The following NXPE2 variants were observed in gnomAD, a reference collection of about 807,000 sequenced individuals.
NXPE2 encodes neurexophilin and PC-esterase domain family member 2, also known as NXPE family member 2.
A neutral mutation model predicts 34.4 loss-of-function variants in NXPE2; 34 were observed. The ratio of observed to expected loss-of-function variants is 0.99; its 90% CI spans 0.75 to 1.31. NXPE2 has a LOEUF of 1.31. Ranked by LOEUF, NXPE2 falls within the 40% of genes most tolerant of loss-of-function variation. The pLI, the probability that NXPE2 is intolerant of heterozygous loss-of-function variation, is 0.00. For synonymous variants in NXPE2, 235 were observed against 231.3 expected, an observed-to-expected ratio of 1.02 and a Z score of -0.15; for missense variants, 649 against 672.5, an observed-to-expected ratio of 0.97 and a Z score of 0.39.
the NXPE2 span, chr11:114,571,230 A>G: frequency 3.7e-6 from 6 of 1,613,956 alleles, no homozygotes; most frequent in Non-Finnish European, 5.1e-6. Flanking sequence ...GGCCCTTCGG[A>G]TAAAAACATC....
At chr11:114,790,653 GCTC>G in the NXPE2 span, among the ~76,000 whole-genome samples, 24 of 152,146 alleles carry the variant, frequency 1.6e-4, no homozygotes, top group African/African-American at 5.5e-4. Context: ...AGTCCTCCCT[GCTC>G]CTCAACCATG....
the NXPE2 span, among the ~76,000 whole-genome samples, chr11:114,467,110 A>G: frequency 6.6e-6 from 1 of 152,234 alleles, no homozygotes; most frequent in African/African-American, 2.4e-5. Flanking sequence ...TGATTTCAAT[A>G]TACTGTGCAT....
At chr11:114,775,912 CAG>C in the NXPE2 span, among the ~76,000 whole-genome samples, 1 of 152,022 alleles carries the variant, frequency 6.6e-6, no homozygotes, top group Admixed American at 6.5e-5. Flanking sequence ...CAGCCACTCT[CAG>C]GGGAATGAAT....
upstream of NXPE2, chr11:114,678,450 A>G: frequency 1.4e-6 from 1 of 724,718 alleles, no homozygotes; most frequent in Non-Finnish European, 2.3e-6. Context: ...CGCTGTGGCC[A>G]CAAATAGGAT....
chr11:114,734,363 A>T, the NXPE2 span, among the ~76,000 whole-genome samples: 148,374 of 152,318 alleles, frequency 0.97, 72,382 homozygotes, highest in Middle Eastern at 1. Flanking sequence ...TTACAAATAC[A>T]TTTTTTGTGT....
the NXPE2 span, among the ~76,000 whole-genome samples, chr11:114,632,064 A>T: frequency 7.4e-6 from 1 of 135,196 alleles, no homozygotes; most frequent in African/African-American, 2.7e-5. Flanking sequence ...ATATGTAAGA[A>T]TTGTATAGTA....
At chr11:114,715,252 A>G in the NXPE2 span, among the ~76,000 whole-genome samples, 1 of 152,210 alleles carries the variant, frequency 6.6e-6, no homozygotes, top group African/African-American at 2.4e-5. Context: ...AATAATACCC[A>G]AGAGGCAAAT....
At chr11:114,592,953 T>C in the NXPE2 span, among the ~76,000 whole-genome samples, 1 of 152,146 alleles carries the variant, frequency 6.6e-6, no homozygotes, top group Non-Finnish European at 1.5e-5. Context: ...TAGATGGTGC[T>C]GGAGAAACTG....
At chr11:114,602,673 A>C in the NXPE2 span, among the ~76,000 whole-genome samples, 1 of 142,024 alleles carries the variant, frequency 7.0e-6, no homozygotes, top group African/African-American at 2.5e-5. Context: ...TAATTACAGA[A>C]TCATATGTAA....
chr11:114,779,744 A>C, the NXPE2 span, among the ~76,000 whole-genome samples: 1 of 152,086 alleles, frequency 6.6e-6, no homozygotes, highest in Admixed American at 6.5e-5. Context: ...AGGAGGGCTC[A>C]GTCCCTCACC....
the NXPE2 span, among the ~76,000 whole-genome samples, chr11:114,561,212 C>T: frequency 6.6e-6 from 1 of 152,144 alleles, no homozygotes; most frequent in East Asian, 1.9e-4. Flanking sequence ...AATACATGTA[C>T]AACATTTAAA....
chr11:114,647,710 T>A, the NXPE2 span, among the ~76,000 whole-genome samples: 91,816 of 149,408 alleles, frequency 0.61, 29,070 homozygotes, highest in East Asian at 0.95. Context: ...ATTTTATTTT[T>A]TTTTTTTTTG....
the NXPE2 span, among the ~76,000 whole-genome samples, chr11:114,713,493 C>T: frequency 2.9e-4 from 44 of 152,258 alleles, no homozygotes; most frequent in Admixed American, 2.5e-3. Flanking sequence ...TTCACTCATG[C>T]TCAAGCCCCG....
chr11:114,805,764 G>A, the NXPE2 span, among the ~76,000 whole-genome samples: 1 of 152,202 alleles, frequency 6.6e-6, no homozygotes, highest in Non-Finnish European at 1.5e-5. Context: ...CTCCACCTCT[G>A]GGGGCAGGGC....
At chr11:114,724,446 A>T in the NXPE2 span, among the ~76,000 whole-genome samples, 1 of 152,188 alleles carries the variant, frequency 6.6e-6, no homozygotes, top group South Asian at 2.1e-4. Context: ...GCCAGTAGCC[A>T]GTGTGTCCAC....
chr11:114,648,416 C>G, the NXPE2 span, among the ~76,000 whole-genome samples: 1,331 of 152,210 alleles, frequency 8.7e-3, 19 homozygotes, highest in African/African-American at 0.031. Context: ...TCTTACTCAG[C>G]GGAGGGTCAG....
the NXPE2 span, among the ~76,000 whole-genome samples, chr11:114,465,841 A>T: frequency 6.6e-6 from 1 of 152,214 alleles, no homozygotes; most frequent in Non-Finnish European, 1.5e-5. Flanking sequence ...GTGATAATGT[A>T]TGAAGAACTT....
the NXPE2 span, among the ~76,000 whole-genome samples, chr11:114,789,969 A>G: frequency 6.6e-6 from 1 of 152,224 alleles, no homozygotes; most frequent in Non-Finnish European, 1.5e-5. Context: ...GAATTCAGAG[A>G]AGGCCATGCA....
the NXPE2 span, among the ~76,000 whole-genome samples, chr11:114,636,559 T>A: frequency 6.6e-6 from 1 of 151,620 alleles, no homozygotes; most frequent in South Asian, 2.1e-4. Flanking sequence ...GATGTTAGGG[T>A]GTCAATTTTG....
Sources: gnomAD v4.1 joint callset for allele counts (sites outside exome capture counted in the v4.1 genomes callset) on GRCh38, gnomAD v4.1.1 for gene constraint, MANE v1.5 for transcripts, NCBI Gene and HGNC (gene_info 2026-07-23, HGNC 2026-07-21) for gene names.